KDM3A: variants seen among roughly 807,000 people sequenced by gnomAD.
KDM3A encodes the protein lysine demethylase 3A.
A neutral mutation model predicts 158.0 loss-of-function variants in KDM3A; 60 were observed. That is an observed-to-expected ratio of 0.38 (90% confidence interval 0.31 to 0.47). The LOEUF (loss-of-function observed/expected upper bound fraction) is 0.47, where lower values mean the gene tolerates loss of function less well. KDM3A is among the 20% of genes least tolerant of loss of function. KDM3A has a pLI of 0.99. For missense variants in KDM3A, 1,319 were observed against 1,574.3 expected (o/e 0.84, Z 2.74); for synonymous variants, 608 against 549.3 (o/e 1.11, Z -1.49).
At chr2:86,459,562 A>G (rs142575369) in intron 8 of KDM3A, among the ~76,000 whole-genome samples, 2 of 152,218 alleles carry the variant, frequency 1.3e-5, no homozygotes, top group South Asian at 4.1e-4. Flanking sequence ...GGAGCGATCA[A>G]TCTGGGGTGC....
At chr2:86,444,750 C>T (rs941502788) in intron 2 of KDM3A, among the ~76,000 whole-genome samples, 1 of 152,140 alleles carries the variant, frequency 6.6e-6, no homozygotes, top group Admixed American at 6.5e-5. Context: ...AAATACAAGT[C>T]TGTCTAGACT....
intron 12 of KDM3A, among the ~76,000 whole-genome samples, chr2:86,475,788 CT>C (rs952046363): frequency 1.3e-5 from 2 of 152,208 alleles, no homozygotes; most frequent in Non-Finnish European, 2.9e-5. Context: ...TGGTGTGTCT[CT>C]TTTTAGACTT....
In KDM3A at chr2:86,480,320, C is replaced by G. The variant is rs1673860508; in HGVS notation, c.2470C>G (p.Leu824Val). The stretch of plus-strand genomic sequence containing the variant: ...AGCCAGCACATCTCCTCTAAACTGG[C>G]TGGCCGACCTAACCAGCGGGAATGT... ...CPASTSPLNW[L>V]ADLTSGNVNK... Residue 824 changes from leucine to valine, a missense_variant, in exon 16 of 26, where the codon CTG (leucine) becomes GTG (valine). By Grantham distance (32) the Leu-to-Val change is conservative. Coordinates refer to ENST00000312912, the MANE Select transcript of KDM3A (RefSeq NM_018433.6). The G allele has an allele frequency of 6.2e-7, 1 of 1,613,788 alleles. No individual in the cohort carries two copies. The highest frequency in any genetic ancestry group is 8.5e-7 in the Non-Finnish European group (1 of 1,179,884).
intron 12 of KDM3A, 43 bp downstream of exon 12, chr2:86,475,033 G>T: frequency 1.3e-6 from 2 of 1,516,524 alleles, no homozygotes; most frequent in South Asian, 2.3e-5. Flanking sequence ...AGCCCAATTT[G>T]ATTTTTGTTC....
intron 18 of KDM3A, 200 bp from the exon 19 acceptor site, chr2:86,483,787 A>G: frequency 2.1e-6 from 1 of 471,780 alleles, no homozygotes. Context: ...TTTGAGAGCA[A>G]GGGTGTGTAG....
chr2:86,482,363 C>CT (rs1673974033), intron 17 of KDM3A, 95 bp from the exon 18 acceptor site: 1 of 1,541,728 alleles, frequency 6.5e-7, no homozygotes, highest in South Asian at 1.3e-5. Flanking sequence ...GGCTTGGAAT[C>CT]TTCTGGATAT....
At chr2:86,462,205 T>A (rs1005178653) in intron 8 of KDM3A, among the ~76,000 whole-genome samples, 1 of 152,042 alleles carries the variant, frequency 6.6e-6, no homozygotes, top group Non-Finnish European at 1.5e-5. Flanking sequence ...TGGAGGGTTT[T>A]TTTTTTTAAC....
chr2:86,445,210 G>T (rs559526948), intron 2 of KDM3A, among the ~76,000 whole-genome samples: 58 of 152,084 alleles, frequency 3.8e-4, no homozygotes, highest in Admixed American at 2.9e-3. Context: ...TGTGTGCTCA[G>T]CTATTTGAAT....
At chr2:86,451,081 A>G (rs756448328) in intron 3 of KDM3A, 22 bp from the exon 4 acceptor site, 14 of 1,507,484 alleles carry the variant, frequency 9.3e-6, no homozygotes, top group Middle Eastern at 3.5e-4. Flanking sequence ...TTATGATGCT[A>G]AAGTGTTTTC....
intron 4 of KDM3A, among the ~76,000 whole-genome samples, chr2:86,451,865 T>C (rs1347575192): frequency 6.6e-6 from 1 of 152,172 alleles, no homozygotes; most frequent in African/African-American, 2.4e-5. Context: ...GATATGAAAA[T>C]AATATTTAAA....
intron 11 of KDM3A, among the ~76,000 whole-genome samples, chr2:86,474,010 T>TATA (rs1271339743): frequency 6.6e-6 from 1 of 152,192 alleles, no homozygotes; most frequent in African/African-American, 2.4e-5. Flanking sequence ...ATCTAGGGGT[T>TATA]ACCCTTCTTT....
intron 8 of KDM3A, among the ~76,000 whole-genome samples, chr2:86,462,825 G>T (rs1410779775): frequency 6.6e-6 from 1 of 152,172 alleles, no homozygotes; most frequent in Non-Finnish European, 1.5e-5. Context: ...AGGCACAGTG[G>T]CTCATGCCTG....
chr2:86,474,164 A>G (rs1573188724), intron 11 of KDM3A, among the ~76,000 whole-genome samples: 1 of 152,218 alleles, frequency 6.6e-6, no homozygotes, highest in Admixed American at 6.5e-5. Context: ...TTGAACAACT[A>G]TCCCTGGAGG....
At chr2:86,482,735 C>T in intron 18 of KDM3A, 41 bp downstream of exon 18, 2 of 1,596,404 alleles carry the variant, frequency 1.3e-6, no homozygotes, top group Non-Finnish European at 1.7e-6. Context: ...TTCAGAACCC[C>T]CTTCTCAGTT....
intron 2 of KDM3A, among the ~76,000 whole-genome samples, chr2:86,449,397 C>T (rs1375024463): frequency 1.3e-5 from 2 of 152,296 alleles, no homozygotes; most frequent in East Asian, 3.9e-4. Context: ...CTTAAGCCCA[C>T]TTATATTGTC....
chr2:86,444,674 G>T (rs977847383), intron 2 of KDM3A, among the ~76,000 whole-genome samples: 2 of 151,754 alleles, frequency 1.3e-5, no homozygotes, highest in African/African-American at 4.8e-5. Context: ...GGTGGGGCGA[G>T]GGGCTGAGAT....
rs749795762 is a variant in KDM3A at position 86,451,086 on chromosome 2, G to A, written c.343-17G>A. ...CTGACAGCAGTTATGATGCTAAAGT[G>A]TTTTCTTTTGTTTTAGACGTACAAA... On this transcript the variant is annotated splice_polypyrimidine_tract_variant and intron_variant, in intron 3 of 25. Coordinates refer to ENST00000312912, the MANE Select transcript of KDM3A (RefSeq NM_018433.6). The A allele has an allele frequency of 1.4e-5, 22 of 1,544,588 alleles. No homozygotes were observed. The highest frequency in any genetic ancestry group is 1.9e-5 in the Non-Finnish European group (22 of 1,135,180).
intron 12 of KDM3A, among the ~76,000 whole-genome samples, chr2:86,475,660 GA>G (rs1185214950): frequency 6.6e-6 from 1 of 152,158 alleles, no homozygotes; most frequent in Admixed American, 6.5e-5. Context: ...TCCCTCTGTG[GA>G]AATGAGTTAT....
chr2:86,456,418 T>A (rs1558609991), intron 5 of KDM3A, 24 bp from the exon 6 acceptor site: 26 of 882,362 alleles, frequency 2.9e-5, no homozygotes, highest in African/African-American at 3.6e-5. Context: ...GCTCTAAGAT[T>A]TTTTTTTTTT....
Sources: allele counts gnomAD v4.1 joint callset (sites outside exome capture counted in the v4.1 genomes callset), GRCh38; gene constraint gnomAD v4.1.1; transcripts MANE v1.5; gene names NCBI Gene and HGNC (gene_info 2026-07-23, HGNC 2026-07-21).